The following CAMK2D variants were observed in gnomAD, a reference collection of about 807,000 sequenced individuals.
CAMK2D encodes calcium/calmodulin-dependent protein kinase type II subunit delta.
In CAMK2D, 37 loss-of-function variants were observed where a neutral mutation model predicts 84.0. The ratio of observed to expected loss-of-function variants is 0.44; its 90% CI spans 0.34 to 0.58. CAMK2D has a LOEUF of 0.58. CAMK2D is among the 20% of genes least tolerant of loss of function. CAMK2D has a pLI of 0.02. For synonymous variants in CAMK2D, 202 were observed against 212.5 expected (o/e 0.95, Z 0.43); for missense variants, 448 against 652.5 (o/e 0.69, Z 3.41).
At chr4:113,754,056 T>G (rs529085885) in intron 2 of CAMK2D, 192 of 881,938 alleles carry the variant, frequency 2.2e-4, no homozygotes, top group Middle Eastern at 5.8e-4. Context: ...CATAAAGACA[T>G]GTGAATATGC....
At chr4:113,725,621 T>C (rs538311030) in intron 2 of CAMK2D, among the ~76,000 whole-genome samples, 16 of 152,204 alleles carry the variant, frequency 1.1e-4, no homozygotes, top group African/African-American at 3.9e-4. Context: ...TATAAATGTA[T>C]TATCAACAAA....
chr4:113,487,007 G>C (rs2097772236), intron 16 of CAMK2D, among the ~76,000 whole-genome samples: 1 of 152,116 alleles, frequency 6.6e-6, no homozygotes, highest in Admixed American at 6.5e-5. Flanking sequence ...TAAAATATTT[G>C]TTGCACTAAA....
chr4:113,661,451 A>G (rs1290027042), intron 3 of CAMK2D, among the ~76,000 whole-genome samples: 4 of 152,196 alleles, frequency 2.6e-5, no homozygotes. Flanking sequence ...TCAGCACAAC[A>G]GAAAACATAC....
intron 16 of CAMK2D, among the ~76,000 whole-genome samples, chr4:113,482,975 C>T (rs535817820): frequency 6.6e-5 from 10 of 152,286 alleles, no homozygotes; most frequent in African/African-American, 2.2e-4. Context: ...TGCTCAACAA[C>T]GTTGGCCAAG....
intron 3 of CAMK2D, among the ~76,000 whole-genome samples, chr4:113,646,250 A>ATTT (rs2099151497): frequency 6.6e-6 from 1 of 152,176 alleles, no homozygotes; most frequent in South Asian, 2.1e-4. Flanking sequence ...AAAAAAATAT[A>ATTT]TGTACCCACA....
intron 2 of CAMK2D, among the ~76,000 whole-genome samples, chr4:113,678,608 T>G (rs977328913): frequency 3.9e-5 from 6 of 152,196 alleles, no homozygotes; most frequent in Non-Finnish European, 8.8e-5. Context: ...CATCTGTTTA[T>G]GTCGGGAACA....
At chr4:113,629,680 T>C (rs967936695) in intron 3 of CAMK2D, among the ~76,000 whole-genome samples, 2 of 151,738 alleles carry the variant, frequency 1.3e-5, no homozygotes, top group Non-Finnish European at 2.9e-5. Flanking sequence ...GCCTCATGGC[T>C]AGTAGTGAAT....
At position 113,502,403 on chromosome 4, in the gene CAMK2D, CAACAAT is replaced by C. The variant is rs899214770; in HGVS notation, c.1086+527_1086+532del. Among the ~76,000 whole-genome samples, 12 of 140,792 alleles carry C rather than the reference CAACAAT, an allele frequency of 8.5e-5. No homozygotes were observed. The South Asian group carries it at 1.9e-3, about 22-fold the overall frequency. The allele number at this position is 140,792 out of a possible 152,430, so 92.4% of individuals were successfully genotyped here. On this transcript the variant is annotated intron_variant, in intron 15 of 20. Transcript: ENST00000511664. Reference sequence around the variant, plus strand: ...TCATGCCAAACAACAACAACAACAACAACAATAACAACAATAACAACATCATCACCA... The same window carrying C: ...TCATGCCAAACAACAACAACAACAACAACAACAATAACAACATCATCACCA...
chr4:113,675,969 A>G (rs1435616086), intron 2 of CAMK2D, among the ~76,000 whole-genome samples: 2 of 152,234 alleles, frequency 1.3e-5, no homozygotes, highest in Non-Finnish European at 2.9e-5. Context: ...TCAGATTTTC[A>G]TATATCTGTA....
intron 8 of CAMK2D, among the ~76,000 whole-genome samples, chr4:113,524,731 C>T (rs760343000): frequency 1.3e-5 from 2 of 152,096 alleles, no homozygotes; most frequent in Non-Finnish European, 2.9e-5. Context: ...CAGGAGGGTG[C>T]ACTTTAGGTC....
intron 2 of CAMK2D, among the ~76,000 whole-genome samples, chr4:113,718,658 G>A (rs1338241587): frequency 6.6e-6 from 1 of 152,190 alleles, no homozygotes; most frequent in Non-Finnish European, 1.5e-5. Flanking sequence ...GTTTGGGAAA[G>A]GGCTGTTTTC....
At chr4:113,684,206 T>C (rs564300197) in intron 2 of CAMK2D, among the ~76,000 whole-genome samples, 101 of 152,342 alleles carry the variant, frequency 6.6e-4, no homozygotes, top group Middle Eastern at 3.4e-3. Flanking sequence ...GTTAGAAAGC[T>C]AATGAAAATT....
chr4:113,707,544 T>C (rs2099464530), intron 2 of CAMK2D, among the ~76,000 whole-genome samples: 1 of 152,192 alleles, frequency 6.6e-6, no homozygotes, highest in Non-Finnish European at 1.5e-5. Context: ...TTATTTAAAC[T>C]AGACAGATAT....
At chr4:113,596,707 T>C (rs1396952000) in intron 4 of CAMK2D, among the ~76,000 whole-genome samples, 1 of 152,198 alleles carries the variant, frequency 6.6e-6, no homozygotes, top group Non-Finnish European at 1.5e-5. Context: ...AATGCCAGGC[T>C]TAAAATATTC....
chr4:113,598,932 G>A (rs1326858372), intron 4 of CAMK2D, among the ~76,000 whole-genome samples: 2 of 152,050 alleles, frequency 1.3e-5, no homozygotes, highest in Non-Finnish European at 2.9e-5. Flanking sequence ...CTCTTGAAGT[G>A]CTAGGAATAT....
At chr4:113,629,140 T>C (rs894729912) in intron 3 of CAMK2D, among the ~76,000 whole-genome samples, 1 of 152,084 alleles carries the variant, frequency 6.6e-6, no homozygotes, top group Non-Finnish European at 1.5e-5. Context: ...ACACAAAGAA[T>C]AATGAGGAAG....
intron 2 of CAMK2D, among the ~76,000 whole-genome samples, chr4:113,699,793 A>G (rs1449571660): frequency 6.6e-6 from 1 of 152,182 alleles, no homozygotes; most frequent in Non-Finnish European, 1.5e-5. Flanking sequence ...ACATGTCTTA[A>G]CTTGTATTTT....
At chr4:113,492,158 T>C (rs1394924386) in intron 16 of CAMK2D, among the ~76,000 whole-genome samples, 4 of 152,010 alleles carry the variant, frequency 2.6e-5, no homozygotes, top group Non-Finnish European at 4.4e-5. Flanking sequence ...CTGCTCTGAT[T>C]TTAGTTATTT....
chr4:113,611,856 C>T lies in CAMK2D; in HGVS notation c.221-2650G>A, dbSNP rs565452864. ...TTACTTCTTTTGCATCACACAATTC[C>T]AAAATAATCTCTAATATGTCTAACC... On this transcript the variant is annotated intron_variant, in intron 3 of 20. Transcript: ENST00000511664. Among the ~76,000 whole-genome samples, 132 of 152,152 alleles carry T rather than the reference C, an allele frequency of 8.7e-4. 1 individual carries two copies. Among genetic ancestry groups the T allele is most frequent in the African/African-American group, 3.1e-3 (129 of 41,524 alleles).
Sources: gnomAD v4.1 joint callset for allele counts (sites outside exome capture counted in the v4.1 genomes callset) on GRCh38, gnomAD v4.1.1 for gene constraint, MANE v1.5 for transcripts, NCBI Gene and HGNC (gene_info 2026-07-23, HGNC 2026-07-21) for gene names.